The following C1QTNF3 variants were observed in gnomAD, a reference collection of about 807,000 sequenced individuals.
C1QTNF3 encodes C1q and TNF related 3.
A neutral mutation model predicts 32.6 loss-of-function variants in C1QTNF3; 26 were observed. The observed-to-expected ratio is 0.80, with a 90% CI of 0.58 to 1.11. The LOEUF (loss-of-function observed/expected upper bound fraction) is 1.11. Ranked by LOEUF, C1QTNF3 falls within the 50% of genes least tolerant of loss-of-function variation. The pLI, the probability that C1QTNF3 is intolerant of heterozygous loss-of-function variation, is 0.00. For missense variants in C1QTNF3, 362 were observed against 398.2 expected (o/e 0.91, Z 0.77); for synonymous variants, 155 against 146.0 (o/e 1.06, Z -0.44).
the C1QTNF3 span, among the ~76,000 whole-genome samples, chr5:34,160,402 T>A: frequency 6.6e-6 from 1 of 152,188 alleles, no homozygotes; most frequent in African/African-American, 2.4e-5. Context: ...AGCATATTCA[T>A]ATACATTCTC....
the C1QTNF3 span, among the ~76,000 whole-genome samples, chr5:34,242,737 G>A: frequency 1.3e-5 from 2 of 152,176 alleles, no homozygotes; most frequent in South Asian, 4.1e-4. Flanking sequence ...TACAGAATGG[G>A]AGAAAATATT....
chr5:34,153,893 AAACT>A, the C1QTNF3 span, among the ~76,000 whole-genome samples: 141 of 151,464 alleles, frequency 9.3e-4, no homozygotes, highest in African/African-American at 2.9e-3. Context: ...AAAACAAAGC[AAACT>A]AACTAGGTGA....
chr5:34,130,803 T>C, the C1QTNF3 span, among the ~76,000 whole-genome samples: 1 of 152,236 alleles, frequency 6.6e-6, no homozygotes, highest in African/African-American at 2.4e-5. Context: ...ACACAAGGCC[T>C]CTCACGGTGT....
At chr5:34,092,585 C>A in the C1QTNF3 span, among the ~76,000 whole-genome samples, 2 of 147,522 alleles carry the variant, frequency 1.4e-5, no homozygotes, top group Non-Finnish European at 2.9e-5. Context: ...TGCATTAGTT[C>A]TCATTGATCT....
chr5:34,129,713 TTG>T, the C1QTNF3 span, among the ~76,000 whole-genome samples: 2 of 151,938 alleles, frequency 1.3e-5, no homozygotes, highest in African/African-American at 4.8e-5. Flanking sequence ...AGCTGTAAAA[TTG>T]ATCAATATAA....
chr5:34,031,678 C>T (rs1378803076), intron 3 of C1QTNF3, among the ~76,000 whole-genome samples: 3 of 151,906 alleles, frequency 2.0e-5, no homozygotes, highest in Non-Finnish European at 4.4e-5. Context: ...ACTAAAAATA[C>T]AAAAAAATTA....
the C1QTNF3 span, among the ~76,000 whole-genome samples, chr5:34,146,850 ATAAAC>A: frequency 6.6e-6 from 1 of 152,258 alleles, no homozygotes; most frequent in Non-Finnish European, 1.5e-5. Flanking sequence ...GCACAGAAAA[ATAAAC>A]TATTTACAAA....
chr5:34,096,114 A>AT, the C1QTNF3 span, among the ~76,000 whole-genome samples: 1 of 149,228 alleles, frequency 6.7e-6, no homozygotes, highest in Non-Finnish European at 1.5e-5. Flanking sequence ...TAGTTTATAG[A>AT]TGTCAAAGTT....
chr5:34,226,670 A>C, the C1QTNF3 span, among the ~76,000 whole-genome samples: 1 of 151,640 alleles, frequency 6.6e-6, no homozygotes. Flanking sequence ...CCACCCCAGC[A>C]CAGTCAAAAA....
At chr5:34,179,389 C>T in the C1QTNF3 span, among the ~76,000 whole-genome samples, 21 of 152,112 alleles carry the variant, frequency 1.4e-4, no homozygotes, top group East Asian at 3.6e-3. Context: ...GGCTGAGGCA[C>T]AAGAATTGCT....
intron 1 of C1QTNF3, among the ~76,000 whole-genome samples, chr5:34,039,240 G>GTAACT (rs1754812663): frequency 2.0e-5 from 3 of 152,296 alleles, no homozygotes; most frequent in Admixed American, 6.5e-5. Flanking sequence ...CAAGGGAGAA[G>GTAACT]TAACGCAAGA....
chr5:34,102,442 A>T, the C1QTNF3 span, among the ~76,000 whole-genome samples: 4 of 152,244 alleles, frequency 2.6e-5, no homozygotes, highest in Non-Finnish European at 5.9e-5. Context: ...ATTTCATTTT[A>T]ATTTTATTCC....
At chr5:34,033,178 A>T (rs974624943) in intron 3 of C1QTNF3, 126 bp downstream of exon 3, 70 of 1,053,842 alleles carry the variant, frequency 6.6e-5, no homozygotes, top group Non-Finnish European at 8.7e-5. Flanking sequence ...GTAGATGAAC[A>T]AACTGAGACT....
the C1QTNF3 span, among the ~76,000 whole-genome samples, chr5:34,214,234 T>C: frequency 0.015 from 2,228 of 152,156 alleles, 64 homozygotes; most frequent in East Asian, 0.11. Flanking sequence ...ATATGAATGA[T>C]TGAAAGCCAG....
the C1QTNF3 span, among the ~76,000 whole-genome samples, chr5:34,097,351 A>C: frequency 6.6e-6 from 1 of 151,940 alleles, no homozygotes; most frequent in African/African-American, 2.4e-5. Flanking sequence ...GTATATATAG[A>C]AACTGCATTT....
At chr5:34,137,773 G>T in the C1QTNF3 span, among the ~76,000 whole-genome samples, 1 of 152,248 alleles carries the variant, frequency 6.6e-6, no homozygotes, top group East Asian at 1.9e-4. Context: ...GTACTGTTCT[G>T]CTGGTTTTCT....
chr5:34,195,596 C>T, the C1QTNF3 span, among the ~76,000 whole-genome samples: 2 of 152,236 alleles, frequency 1.3e-5, no homozygotes, highest in Admixed American at 6.5e-5. Flanking sequence ...AATCCCAGCA[C>T]TTTGGGAGGC....
rs530885164 is a variant in C1QTNF3 at position 34,024,547 on chromosome 5, T to C, written c.701-539A>G. ...AAATGGTTCTGGTAATTTCTCATGCTATACCTTGTATGTTGGTGAAATTAT... is the reference window on the plus strand; with the variant it reads ...AAATGGTTCTGGTAATTTCTCATGCCATACCTTGTATGTTGGTGAAATTAT... On this transcript the variant is annotated intron_variant, in intron 4 of 5. Coordinates refer to ENST00000382065, the MANE Select transcript of C1QTNF3 (RefSeq NM_181435.6). 1.2e-3 allele frequency: 186 copies of C among 153,928 alleles called. 3 individuals are homozygous for C. In the South Asian group the frequency reaches 0.016, roughly 13 times the overall value. 9.5% of individuals were successfully genotyped at this position (153,928 alleles called of 1,614,324 possible). A position where few individuals can be genotyped will look rare whatever the true frequency, so the allele number is the denominator to read the frequency against.
At chr5:34,090,706 A>G in the C1QTNF3 span, among the ~76,000 whole-genome samples, 4 of 152,166 alleles carry the variant, frequency 2.6e-5, no homozygotes, top group African/African-American at 9.7e-5. Flanking sequence ...AGCCCTAATT[A>G]ATGCAATTAG....
Sources: gnomAD v4.1 joint callset for allele counts (sites outside exome capture counted in the v4.1 genomes callset) on GRCh38, gnomAD v4.1.1 for gene constraint, MANE v1.5 for transcripts, NCBI Gene and HGNC (gene_info 2026-07-23, HGNC 2026-07-21) for gene names.